The following GNB1L variants were observed in gnomAD, a reference collection of about 807,000 sequenced individuals.
GNB1L encodes the protein guanine nucleotide-binding protein subunit beta-like protein 1.
GNB1L carries 20 observed loss-of-function variants against 29.1 expected under a neutral mutation model. The observed-to-expected ratio is 0.69, with a 90% CI of 0.48 to 1.00. GNB1L has a LOEUF of 1.00. GNB1L is among the 50% of genes least tolerant of loss of function. GNB1L has a pLI of 0.00. For synonymous variants in GNB1L, 193 were observed against 206.5 expected, an observed-to-expected ratio of 0.93 and a Z score of 0.56; for missense variants, 421 against 464.9, an observed-to-expected ratio of 0.91 and a Z score of 0.87.
Position 19,789,069 on chromosome 22 carries a change from C to T in GNB1L, c.733-109G>A, listed in dbSNP as rs1045537593. 27 of 1,243,062 alleles carry T rather than the reference C, an allele frequency of 2.2e-5. No individual in the cohort carries two copies. In the South Asian group the frequency reaches 2.6e-4, roughly 12 times the overall value. 77.0% of individuals were successfully genotyped at this position (1,243,062 alleles called of 1,614,324 possible). ...CAGGAGAGACGCAGGCCCACAGGCC[C>T]GGGATGTGAGGGCCACACGCTCCTA... On this transcript the variant is annotated intron_variant, in intron 7 of 7. Coordinates refer to ENST00000329517, the MANE Select transcript of GNB1L (RefSeq NM_053004.3).
chr22:19,831,610 G>A (rs926919061), intron 2 of GNB1L, among the ~76,000 whole-genome samples: 2 of 151,314 alleles, frequency 1.3e-5, no homozygotes, highest in African/African-American at 4.9e-5. Flanking sequence ...AGAATGGCGT[G>A]AACCCGGGAG....
chr22:19,844,545 G>A (rs1188876388), intron 2 of GNB1L, among the ~76,000 whole-genome samples: 1 of 152,232 alleles, frequency 6.6e-6, no homozygotes, highest in East Asian at 1.9e-4. Flanking sequence ...CCTTTGCACT[G>A]GGACACGGGC....
At chr22:19,791,997 G>C (rs995546104) in intron 7 of GNB1L, among the ~76,000 whole-genome samples, 1 of 152,212 alleles carries the variant, frequency 6.6e-6, no homozygotes, top group Non-Finnish European at 1.5e-5. Flanking sequence ...GCCTGCACAA[G>C]CTCAAGGTGA....
rs1192799015 is a variant in GNB1L at position 19,821,357 on chromosome 22, C to T, written c.-2G>A. The T allele has an allele frequency of 1.2e-6, 2 of 1,611,868 alleles. No individual in the cohort carries two copies. Among genetic ancestry groups the T allele is most frequent in the African/African-American group, 2.7e-5 (2 of 75,054 alleles). On this transcript the variant is annotated 5_prime_UTR_variant, in exon 3 of 8. Coordinates refer to ENST00000329517, the MANE Select transcript of GNB1L (RefSeq NM_053004.3). Reference sequence around the variant, plus strand: ...TGGCGGCGGGCAGGGGGCCGTCATGCTGGGCAGGATGCAGTTACCTGGGCA... The same window carrying T: ...TGGCGGCGGGCAGGGGGCCGTCATGTTGGGCAGGATGCAGTTACCTGGGCA...
chr22:19,800,651 A>G (rs5993832), intron 7 of GNB1L, among the ~76,000 whole-genome samples: 5 of 152,296 alleles, frequency 3.3e-5, no homozygotes, highest in Admixed American at 6.5e-5. Flanking sequence ...CCGGGGAGAC[A>G]TGAGAAGCTC....
intron 2 of GNB1L, among the ~76,000 whole-genome samples, chr22:19,841,577 G>A (rs969058600): frequency 1.3e-5 from 2 of 152,168 alleles, no homozygotes; most frequent in Non-Finnish European, 2.9e-5. Flanking sequence ...AGGAGGTTAA[G>A]GCTGCAGTGA....
At chr22:19,840,065 A>G (rs1937832777) in intron 2 of GNB1L, among the ~76,000 whole-genome samples, 1 of 113,260 alleles carries the variant, frequency 8.8e-6, no homozygotes, top group Non-Finnish European at 2.2e-5. Flanking sequence ...TCTTGCCTCA[A>G]AAAAAAAAAA....
Position 19,846,608 on chromosome 22 carries a change from G to A in GNB1L, c.-21+7835C>T. ...AACTATGTCCCTTCAATATTTTTATGTTCAAGTCCTAACCCCTAGTACTTA... is the reference window on the plus strand; with the variant it reads ...AACTATGTCCCTTCAATATTTTTATATTCAAGTCCTAACCCCTAGTACTTA... On this transcript the variant is annotated intron_variant, in intron 2 of 7. Transcript: ENST00000329517. The A allele has an allele frequency of 3.2e-6, 3 of 951,634 alleles. No homozygotes were observed. In the South Asian group the frequency reaches 1.5e-4, roughly 46 times the overall value. The allele number at this position is 951,634 out of a possible 1,614,324, so 58.9% of individuals were successfully genotyped here.
intron 2 of GNB1L, chr22:19,851,677 G>A (rs761068877): frequency 3.8e-6 from 6 of 1,596,252 alleles, no homozygotes; most frequent in Non-Finnish European, 5.1e-6. Flanking sequence ...CCAGGGGCAG[G>A]GGACAGGTAA....
Position 19,821,249 on chromosome 22 carries a change from C to A in GNB1L, c.107G>T (p.Gly36Val). 1 of 1,612,118 alleles carries A rather than the reference C, an allele frequency of 6.2e-7. No individual in the cohort carries two copies. The highest frequency in any genetic ancestry group is 8.5e-7 in the Non-Finnish European group (1 of 1,179,052). ...LHFCEGAQAQ[G>V]RPLLFSGSQS... The stretch of plus-strand genomic sequence containing the variant: ...TCACCCTGAGAAGAGGAGCGGGCGC[C>A]CCTGAGCCTGGGCTCCTTCGCAGAA... Residue 36 changes from glycine (G) to valine (V), a missense_variant, in exon 3 of 8, where the codon GGG becomes GTG. Physicochemically the swap from Gly to Val is moderately radical, Grantham distance 109 (BLOSUM62 -3). Transcript: ENST00000329517.
Position 19,804,061 on chromosome 22 carries a change from A to C in GNB1L, c.517-1845T>G, listed in dbSNP as rs111871880. Reference sequence around the variant, plus strand: ...TGGTGCCACAGGGTGGCTGGAGCAGAAGCCAACCTGGCCTGGAGGGGCTTG... The same window carrying C: ...TGGTGCCACAGGGTGGCTGGAGCAGCAGCCAACCTGGCCTGGAGGGGCTTG... On this transcript the variant is annotated intron_variant, in intron 6 of 7. Coordinates refer to ENST00000329517, the MANE Select transcript of GNB1L (RefSeq NM_053004.3). 4.6e-3 allele frequency among the ~76,000 whole-genome samples: 695 copies of C among 152,354 alleles called. 6 individuals carry two copies. Among genetic ancestry groups the C allele is most frequent in the South Asian group, 0.021 (100 of 4,830 alleles).
chr22:19,824,535 A>G (rs936129404), intron 2 of GNB1L, among the ~76,000 whole-genome samples: 2 of 152,190 alleles, frequency 1.3e-5, no homozygotes, highest in Admixed American at 1.3e-4. Context: ...AATTTGTGCA[A>G]CTCTAACAGC....
chr22:19,851,136 A>G, intron 2 of GNB1L: 1 of 1,551,568 alleles, frequency 6.4e-7, no homozygotes. Flanking sequence ...CTTCATCATG[A>G]GGGGCAGCAT....
chr22:19,848,116 C>A, intron 2 of GNB1L: 4 of 984,670 alleles, frequency 4.1e-6, no homozygotes, highest in Non-Finnish European at 4.8e-6. Flanking sequence ...TCCCATAGGA[C>A]CTTATCCTTA....
chr22:19,840,874 T>C (rs916843233), intron 2 of GNB1L, among the ~76,000 whole-genome samples: 1 of 151,962 alleles, frequency 6.6e-6, no homozygotes, highest in African/African-American at 2.4e-5. Context: ...CCTTTGTGCT[T>C]TTCTTCCCAA....
chr22:19,820,518 T>C, intron 4 of GNB1L, 80 bp downstream of exon 4: 2 of 1,468,622 alleles, frequency 1.4e-6, no homozygotes, highest in Middle Eastern at 2.5e-4. Context: ...TGCCCCTCAG[T>C]GGGGGACACC....
chr22:19,843,263 C>T (rs1297508446), intron 2 of GNB1L, among the ~76,000 whole-genome samples: 1 of 152,274 alleles, frequency 6.6e-6, no homozygotes, highest in Non-Finnish European at 1.5e-5. Flanking sequence ...AGTATCACGG[C>T]TGGGCATCTG....
chr22:19,792,685 A>T (rs939829596), intron 7 of GNB1L: 22 of 1,456,612 alleles, frequency 1.5e-5, no homozygotes, highest in Non-Finnish European at 1.8e-5. Context: ...GTCCCCACCA[A>T]GAGACCACCT....
rs375997683 is a variant in GNB1L at position 19,812,243 on chromosome 22, AC to A, written c.417+41del. On this transcript the variant is annotated intron_variant, in intron 5 of 7. Transcript: ENST00000329517. Reference sequence around the variant, plus strand: ...TAATCAAATGCAGAGGATGAGCACAACTGTTTGGAGAACATGGGGCCTCAGG... The same window carrying A: ...TAATCAAATGCAGAGGATGAGCACAATGTTTGGAGAACATGGGGCCTCAGG... 50 of 1,596,364 alleles carry A rather than the reference AC, an allele frequency of 3.1e-5. No individual in the cohort carries two copies. The African/African-American group carries it at 5.4e-4, about 17-fold the overall frequency.
Sources: allele counts gnomAD v4.1 joint callset (sites outside exome capture counted in the v4.1 genomes callset), GRCh38; gene constraint gnomAD v4.1.1; transcripts MANE v1.5; gene names NCBI Gene and HGNC (gene_info 2026-07-23, HGNC 2026-07-21).